Variants in GLO1 observed in about 807,000 individuals in gnomAD.
GLO1 encodes glyoxalase I.
A neutral mutation model predicts 26.0 loss-of-function variants in GLO1; 28 were observed. The observed-to-expected ratio is 1.08, with a 90% CI of 0.80 to 1.48. GLO1 has a LOEUF of 1.48. Ranked by LOEUF, GLO1 falls within the 40% of genes most tolerant of loss-of-function variation. GLO1 has a pLI of 0.00. For synonymous variants in GLO1, 78 were observed against 77.6 expected, an observed-to-expected ratio of 1.00 and a Z score of -0.03; for missense variants, 225 against 224.8, an observed-to-expected ratio of 1.00 and a Z score of -0.01.
Position 38,703,059 on chromosome 6 carries a change from G to A in GLO1, c.-5C>T. ...CGGGGGCTGCGGTTCTGCCATGGCT[G>A]CGCTGCAGTATCACAGACGACGGGA... is the stretch of plus-strand genomic sequence containing the variant. On this transcript the variant is annotated 5_prime_UTR_variant, in exon 1 of 6. Coordinates refer to ENST00000373365, the MANE Select transcript of GLO1 (RefSeq NM_006708.3). 1 of 1,552,160 alleles carries A rather than the reference G, an allele frequency of 6.4e-7. No homozygotes were observed. The highest frequency in any genetic ancestry group is 8.9e-7 in the Non-Finnish European group (1 of 1,128,304).
At chr6:38,681,159 G>A (rs62396383) in intron 5 of GLO1, among the ~76,000 whole-genome samples, 24 of 152,138 alleles carry the variant, frequency 1.6e-4, no homozygotes, top group Admixed American at 3.9e-4. Context: ...CACCTCCCAG[G>A]TTCAAGCAAT....
intron 1 of GLO1, among the ~76,000 whole-genome samples, chr6:38,692,498 T>C (rs765276378): frequency 2.8e-4 from 42 of 152,110 alleles, no homozygotes; most frequent in African/African-American, 1.0e-3. Flanking sequence ...GACAGTTTGA[T>C]TTCTTCCTTT....
Position 38,682,055 on chromosome 6 carries a change from C to T in GLO1, c.423G>A (p.Arg141=). The change falls in exon 5 of 6, where the codon AGG becomes AGA. Residue 141 remains arginine (R), a synonymous_variant. Coordinates refer to ENST00000373365, the MANE Select transcript of GLO1 (RefSeq NM_006708.3). ...AVPDVYSACK[R]FEELGVKFVK... ...CAAATTTGACTCCCAGTTCTTCAAA[C>T]CTTTTACAAGCACTGTATACATCAG... 6.3e-7 allele frequency: 1 copy of T among 1,598,416 alleles called. No homozygotes were observed. The highest frequency in any genetic ancestry group is 8.6e-7 in the Non-Finnish European group (1 of 1,165,746).
chr6:38,695,564 T>C (rs548031500), intron 1 of GLO1, among the ~76,000 whole-genome samples: 1 of 152,180 alleles, frequency 6.6e-6, no homozygotes, highest in East Asian at 1.9e-4. Context: ...TCTCCATTGA[T>C]ATGGCAAGAG....
chr6:38,677,919 T>C (rs1454935815), intron 5 of GLO1, among the ~76,000 whole-genome samples: 8 of 152,302 alleles, frequency 5.3e-5, no homozygotes, highest in Non-Finnish European at 8.8e-5. Flanking sequence ...CTTTTAGGTA[T>C]CAGGCATTTG....
chr6:38,691,744 A>AT (rs57191753), intron 1 of GLO1, among the ~76,000 whole-genome samples: 2,299 of 147,602 alleles, frequency 0.016, 47 homozygotes, highest in East Asian at 0.1. Context: ...CAGTAAATGG[A>AT]TTTTTTTTTT....
rs747563298 is a variant in GLO1 at position 38,684,501 on chromosome 6, A to T, written c.181T>A (p.Cys61Ser). 7.1e-6 allele frequency: 11 copies of T among 1,544,294 alleles called. No homozygotes were observed. The South Asian group carries it at 1.4e-4, about 19-fold the overall frequency. The part of the protein sequence containing the change: ...RVLGMTLIQK[C>S]DFPIMKFSLY... ...GAAAACTTCATAATGGGAAAATCAC[A>T]TTTTTGGATTAGCCTGCAATGAAAA... Residue 61 changes from cysteine (C) to serine (S), a missense_variant, in exon 3 of 6, where the codon TGT becomes AGT. By Grantham distance (112) the Cys-to-Ser change is moderately radical. Transcript: ENST00000373365.
intron 5 of GLO1, among the ~76,000 whole-genome samples, chr6:38,679,222 C>A (rs1761327764): frequency 1.3e-5 from 2 of 151,938 alleles, no homozygotes; most frequent in Non-Finnish European, 2.9e-5. Flanking sequence ...TGGGCCCAAG[C>A]AATCCTCCCA....
chr6:38,696,731 A>C (rs151254025), intron 1 of GLO1, among the ~76,000 whole-genome samples: 2 of 152,322 alleles, frequency 1.3e-5, no homozygotes, highest in Non-Finnish European at 2.9e-5. Flanking sequence ...TATTACCCTC[A>C]GTCTGCAGAA....
chr6:38,696,111 G>T (rs958639636), intron 1 of GLO1, among the ~76,000 whole-genome samples: 4 of 151,802 alleles, frequency 2.6e-5, no homozygotes, highest in African/African-American at 7.2e-5. Flanking sequence ...CAGAAGCAGA[G>T]TCTCTAAATG....
intron 5 of GLO1, 43 bp downstream of exon 5, chr6:38,681,969 A>C: frequency 1.0e-6 from 1 of 977,426 alleles, no homozygotes; most frequent in South Asian, 1.3e-5. Context: ...GTTAGTAAAT[A>C]TCAACTAAAG....
intron 3 of GLO1, chr6:38,683,342 A>G (rs1761411288): frequency 6.5e-6 from 1 of 152,912 alleles, no homozygotes; most frequent in Admixed American, 6.5e-5. Context: ...CAGATAAACA[A>G]TGTAAAGAAA....
rs752561926 is a variant in GLO1, at chr6:38,676,882, T to C, written c.*413A>G. 1 of 167,140 alleles carries C rather than the reference T, an allele frequency of 6.0e-6. No individual in the cohort carries two copies. The highest frequency in any genetic ancestry group is 2.4e-5 in the African/African-American group (1 of 41,558). The allele number at this position is 167,140 out of a possible 1,614,324, so 10.4% of individuals were successfully genotyped here. Reference sequence around the variant, plus strand: ...CTGAAAGAACACTAGTGTTCTTTCCTTTCCGTTGTGAAAAAAGTTGTTTCT... The same window carrying C: ...CTGAAAGAACACTAGTGTTCTTTCCCTTCCGTTGTGAAAAAAGTTGTTTCT... On this transcript the variant is annotated 3_prime_UTR_variant, in exon 6 of 6. Transcript: ENST00000373365.
intron 1 of GLO1, among the ~76,000 whole-genome samples, chr6:38,690,758 G>T (rs1167858046): frequency 6.6e-6 from 1 of 152,100 alleles, no homozygotes; most frequent in Non-Finnish European, 1.5e-5. Flanking sequence ...CAACGTTAGT[G>T]AATTTATTGA....
Position 38,682,821 on chromosome 6 carries a change from G to A in GLO1, c.363C>T (p.Asp121=). ...ETQSYHNGNS[D]PRGFGHIGIA... ...AGGCAAACTTACCGAATCCTCGAGG[G>A]TCTGAATTGCCATTGTGGTAACTCT... is the stretch of plus-strand genomic sequence containing the variant. Residue 121 remains aspartate, a synonymous_variant, in exon 4 of 6, where the codon GAC becomes GAT. Transcript: ENST00000373365. 6.3e-7 allele frequency: 1 copy of A among 1,595,956 alleles called. No homozygotes were observed. The highest frequency in any genetic ancestry group is 8.6e-7 in the Non-Finnish European group (1 of 1,163,492).
intron 1 of GLO1, among the ~76,000 whole-genome samples, chr6:38,692,766 C>G (rs887931658): frequency 6.6e-6 from 1 of 150,728 alleles, no homozygotes; most frequent in Non-Finnish European, 1.5e-5. Context: ...TGTCAAATGC[C>G]TTTTCTGTAC....
chr6:38,690,703 T>C (rs976460900), intron 1 of GLO1, among the ~76,000 whole-genome samples: 2 of 150,982 alleles, frequency 1.3e-5, no homozygotes, highest in Non-Finnish European at 2.9e-5. Context: ...AATATTAAAA[T>C]TCACTTTAAA....
chr6:38,698,735 A>G (rs956229742), intron 1 of GLO1, among the ~76,000 whole-genome samples: 2 of 140,362 alleles, frequency 1.4e-5, no homozygotes, highest in African/African-American at 5.4e-5. Context: ...AAGTTAGCCC[A>G]GAGAGATTGC....
At chr6:38,690,728 C>CAAA (rs34326667) in intron 1 of GLO1, among the ~76,000 whole-genome samples, 3 of 151,470 alleles carry the variant, frequency 2.0e-5, no homozygotes, top group Non-Finnish European at 4.4e-5. Flanking sequence ...CTATACGTGG[C>CAAA]AAAAAAAGTA....
Sources: gnomAD v4.1 joint callset for allele counts (sites outside exome capture counted in the v4.1 genomes callset) on GRCh38, gnomAD v4.1.1 for gene constraint, MANE v1.5 for transcripts, NCBI Gene and HGNC (gene_info 2026-07-23, HGNC 2026-07-21) for gene names.